The following SGCD variants were observed in gnomAD, a reference collection of about 807,000 sequenced individuals.
SGCD encodes delta-sarcoglycan.
Under a neutral mutation model 36.6 loss-of-function variants are expected in SGCD, and 18 were observed. The observed-to-expected ratio is 0.49, with a 90% CI of 0.34 to 0.73. SGCD has a LOEUF of 0.73. Ranked by LOEUF, SGCD falls within the 30% of genes least tolerant of loss-of-function variation. SGCD has a pLI of 0.01. For missense variants in SGCD, 387 were observed against 346.7 expected, an observed-to-expected ratio of 1.12 and a Z score of -0.92; for synonymous variants, 133 against 130.6, an observed-to-expected ratio of 1.02 and a Z score of -0.12.
chr5:155,879,697 T>C (rs1482482850), intron 1 of SGCD, among the ~76,000 whole-genome samples: 1 of 152,170 alleles, frequency 6.6e-6, no homozygotes, highest in East Asian at 1.9e-4. Flanking sequence ...GTTTAAATGA[T>C]AATGAAAGTA....
At chr5:156,322,444 GTC>G (rs1204235794), upstream of SGCD, among the ~76,000 whole-genome samples, 1 of 152,130 alleles carries the variant, frequency 6.6e-6, no homozygotes, top group East Asian at 1.9e-4. Context: ...AGCAGGCTGG[GTC>G]TCTGCCCTCA....
intron 1 of SGCD, among the ~76,000 whole-genome samples, chr5:155,892,887 T>C (rs917357683): frequency 1.3e-5 from 2 of 152,128 alleles, no homozygotes; most frequent in African/African-American, 4.8e-5. Flanking sequence ...ATCTCACTCA[T>C]ATGTGGAATC....
chr5:156,504,319 T>C (rs1370171186), intron 3 of SGCD, among the ~76,000 whole-genome samples: 2 of 150,954 alleles, frequency 1.3e-5, no homozygotes, highest in Non-Finnish European at 1.5e-5. Context: ...TAATTCCCCC[T>C]AGAATTTTTC....
At chr5:156,319,247 G>A (rs533289271) in intron 3 of SGCD, among the ~76,000 whole-genome samples, 17 of 152,282 alleles carry the variant, frequency 1.1e-4, no homozygotes, top group African/African-American at 3.8e-4. Context: ...GATCAAACTG[G>A]AAGCCTTGGG....
intron 3 of SGCD, among the ~76,000 whole-genome samples, chr5:156,317,469 A>G (rs1315521452): frequency 6.6e-6 from 1 of 152,164 alleles, no homozygotes; most frequent in South Asian, 2.1e-4. Flanking sequence ...AATCACAAAC[A>G]TGATCGCAAT....
At chr5:156,739,246 C>T (rs1177019722) in intron 7 of SGCD, among the ~76,000 whole-genome samples, 1 of 152,106 alleles carries the variant, frequency 6.6e-6, no homozygotes, top group Non-Finnish European at 1.5e-5. Flanking sequence ...AAAGTGTGCT[C>T]ATTTGGCCCT....
intron 3 of SGCD, among the ~76,000 whole-genome samples, chr5:156,413,754 C>G (rs755078400): frequency 1.6e-4 from 25 of 152,334 alleles, no homozygotes; most frequent in Non-Finnish European, 3.4e-4. Flanking sequence ...GCATGTAAAA[C>G]AAACTTTGTC....
At position 155,970,381 on chromosome 5, in the gene SGCD, T is replaced by G. The variant is rs533106070; in HGVS notation, c.-282+99957T>G. ...ATTTATATACTAAGCATTTTACATATAGTTTTGTTTATTCATTTGTTGATG... is the reference window on the plus strand; with the variant it reads ...ATTTATATACTAAGCATTTTACATAGAGTTTTGTTTATTCATTTGTTGATG... On this transcript the variant is annotated intron_variant, in intron 1 of 9. Transcript: ENST00000517913. Among the ~76,000 whole-genome samples, 282 of 152,290 alleles carry G rather than the reference T, an allele frequency of 1.9e-3. 1 individual carries two copies. The highest frequency in any genetic ancestry group is 6.6e-3 in the African/African-American group (276 of 41,584).
intron 3 of SGCD, among the ~76,000 whole-genome samples, chr5:156,287,541 G>A (rs1234932445): frequency 2.6e-5 from 4 of 152,054 alleles, no homozygotes; most frequent in Non-Finnish European, 5.9e-5. Flanking sequence ...CAGAGTGACC[G>A]AGGTTTGATT....
intron 1 of SGCD, among the ~76,000 whole-genome samples, chr5:156,079,650 C>CTTAAAGCTTAAAGCT (rs1193273402): frequency 1.3e-5 from 2 of 152,206 alleles, no homozygotes; most frequent in African/African-American, 4.8e-5. Flanking sequence ...ATGGCAGTAA[C>CTTAAAGCTTAAAGCT]TAAATCTTAA....
chr5:156,682,188 G>A (rs994525832), intron 7 of SGCD, among the ~76,000 whole-genome samples: 13 of 152,140 alleles, frequency 8.5e-5, no homozygotes, highest in Non-Finnish European at 1.5e-4. Flanking sequence ...AAAAGATAAC[G>A]TAGAATGTCA....
chr5:156,446,249 A>G (rs527437242), intron 3 of SGCD, among the ~76,000 whole-genome samples: 36 of 152,306 alleles, frequency 2.4e-4, no homozygotes, highest in African/African-American at 7.2e-4. Context: ...AGTGTCCCCT[A>G]TAGACACAGA....
intron 5 of SGCD, among the ~76,000 whole-genome samples, chr5:156,593,112 A>G (rs1760789528): frequency 1.3e-5 from 2 of 152,320 alleles, no homozygotes; most frequent in Middle Eastern, 3.4e-3. Context: ...TACAGTAGGC[A>G]GTGATAGTCC....
At chr5:156,568,259 C>A (rs184829788) in intron 4 of SGCD, among the ~76,000 whole-genome samples, 2 of 152,264 alleles carry the variant, frequency 1.3e-5, no homozygotes, top group Non-Finnish European at 2.9e-5. Flanking sequence ...TGATGTGCAC[C>A]TGTAGTCTCA....
intron 4 of SGCD, among the ~76,000 whole-genome samples, chr5:156,587,834 A>G (rs566470827): frequency 2.0e-5 from 3 of 151,932 alleles, no homozygotes; most frequent in Middle Eastern, 3.4e-3. Context: ...AAGTCCCCCA[A>G]ACATCTCATA....
chr5:156,637,499 CACTG>C (rs1422798329), intron 6 of SGCD, among the ~76,000 whole-genome samples: 46 of 152,264 alleles, frequency 3.0e-4, no homozygotes, highest in Non-Finnish European at 1.0e-4. Context: ...CAGATAAAAA[CACTG>C]AAACTAGCCA....
chr5:156,423,232 T>TTATATTTTATTATAATATAA (rs1773443680), intron 3 of SGCD, among the ~76,000 whole-genome samples: 4 of 102,658 alleles, frequency 3.9e-5, no homozygotes, highest in Non-Finnish European at 7.0e-5. Context: ...ATATATTGTA[T>TTATATTTTATTATAATATAA]TATATTATAT....
intron 1 of SGCD, among the ~76,000 whole-genome samples, chr5:155,917,888 C>T (rs1756788413): frequency 6.6e-6 from 1 of 152,060 alleles, no homozygotes; most frequent in Admixed American, 6.6e-5. Flanking sequence ...CCTTTGGCTT[C>T]TTTTAGTGGA....
intron 1 of SGCD, among the ~76,000 whole-genome samples, chr5:156,022,407 G>A (rs1260499569): frequency 6.6e-6 from 1 of 152,152 alleles, no homozygotes. Flanking sequence ...TAAATATCAT[G>A]CTATGGAATT....
Sources: allele counts gnomAD v4.1 joint callset (sites outside exome capture counted in the v4.1 genomes callset), GRCh38; gene constraint gnomAD v4.1.1; transcripts MANE v1.5; gene names NCBI Gene and HGNC (gene_info 2026-07-23, HGNC 2026-07-21).